Variants in SLC1A6 observed in about 807,000 individuals in gnomAD.
SLC1A6 encodes the protein excitatory amino acid transporter 4.
SLC1A6 carries 15 observed loss-of-function variants against 42.1 expected under a neutral mutation model. The observed-to-expected ratio is 0.36, with a 90% CI of 0.24 to 0.55. SLC1A6 has a LOEUF of 0.55. SLC1A6 is among the 20% of genes least tolerant of loss of function. The probability of loss-of-function intolerance (pLI) is 0.88; values close to 1 mark genes in which losing one functional copy is unlikely to be tolerated. For synonymous variants in SLC1A6, 317 were observed against 319.7 expected (o/e 0.99, Z 0.09); for missense variants, 542 against 772.5 (o/e 0.70, Z 3.54).
chr19:14,990,426 G>A (rs2045813708), intron 1 of SLC1A6, among the ~76,000 whole-genome samples: 1 of 152,202 alleles, frequency 6.6e-6, no homozygotes, highest in African/African-American at 2.4e-5. Context: ...ACTCAAGTTG[G>A]AGGATTGGGG....
intron 1 of SLC1A6, among the ~76,000 whole-genome samples, chr19:15,006,024 A>C (rs941285189): frequency 2.6e-5 from 4 of 152,252 alleles, no homozygotes; most frequent in African/African-American, 9.6e-5. Context: ...AGGTCATCTC[A>C]CATGAGGTGT....
At position 14,962,320 on chromosome 19, in the gene SLC1A6, A is replaced by G; in HGVS notation, c.617T>C (p.Val206Ala). 1 of 1,613,902 alleles carries G rather than the reference A, an allele frequency of 6.2e-7. No homozygotes were observed. The highest frequency in any genetic ancestry group is 1.7e-5 in the Admixed American group (1 of 59,996). ...KQFKTQYSTRVVTRTMVRTEN... is the reference protein window; with the variant it reads ...KQFKTQYSTRAVTRTMVRTEN... ...TGTCCTCACCATGGTCCTGGTTACC[A>G]CCCTCGTGCTGTACTGCGTCTTGAA... Residue 206 changes from valine to alanine, a missense_variant, in exon 6 of 10, where the codon GTG becomes GCG. This residue lies in a region of SLC1A6 where 298 missense variants were observed against 419.4 expected (regional missense o/e 0.71). Coordinates refer to ENST00000594383, the MANE Select transcript of SLC1A6 (RefSeq NM_005071.3).
chr19:14,961,078 A>ATT (rs35298524), intron 6 of SLC1A6, among the ~76,000 whole-genome samples: 6,301 of 151,018 alleles, frequency 0.042, 281 homozygotes, highest in African/African-American at 0.1. Context: ...CACCCAGCTA[A>ATT]TTTTTTTTGT....
chr19:15,009,546 A>G (rs1197042953), intron 1 of SLC1A6, among the ~76,000 whole-genome samples: 5 of 152,092 alleles, frequency 3.3e-5, no homozygotes, highest in Non-Finnish European at 7.3e-5. Context: ...TCTAAGTGGA[A>G]GCTAAACCAT....
At chr19:14,957,022 C>T (rs887374581) in intron 6 of SLC1A6, among the ~76,000 whole-genome samples, 3 of 152,150 alleles carry the variant, frequency 2.0e-5, no homozygotes, top group African/African-American at 7.2e-5. Context: ...CTCAATCCTG[C>T]CCCAAATAAT....
rs749633082 is a variant in SLC1A6, at chr19:14,962,357, AG to A, written c.592-13del. Reference sequence around the variant, plus strand: ...TACTGCGTCTTGAACTGAAATAGAGAGAGATTGCGCCCAGATTCAATTCAGC... The same window carrying A: ...TACTGCGTCTTGAACTGAAATAGAGAAGATTGCGCCCAGATTCAATTCAGC... On this transcript the variant is annotated splice_polypyrimidine_tract_variant and intron_variant, in intron 5 of 9. Transcript: ENST00000594383. 6.3e-7 allele frequency: 1 copy of A among 1,597,170 alleles called. No homozygotes were observed. Among genetic ancestry groups the A allele is most frequent in the African/African-American group, 1.3e-5 (1 of 74,488 alleles).
intron 3 of SLC1A6, among the ~76,000 whole-genome samples, chr19:14,970,494 G>A (rs1367253755): frequency 2.0e-5 from 3 of 151,946 alleles, no homozygotes; most frequent in African/African-American, 4.8e-5. Flanking sequence ...GGCGGATCAC[G>A]AGGTCAGGAG....
Position 14,950,123 on chromosome 19 carries a change from A to G in SLC1A6, c.*72T>C. ...TGTTCAGCCCACGGTCAGTTGGGCA[A>G]CAGATGTGTCACCAGGACTCCCCTC... On this transcript the variant is annotated 3_prime_UTR_variant, in exon 10 of 10. Transcript: ENST00000594383. The G allele has an allele frequency of 8.6e-7, 1 of 1,167,360 alleles. No homozygotes were observed. 72.3% of individuals were successfully genotyped at this position (1,167,360 alleles called of 1,614,324 possible).
At chr19:14,990,478 G>C (rs1355508502) in intron 1 of SLC1A6, among the ~76,000 whole-genome samples, 1 of 152,160 alleles carries the variant, frequency 6.6e-6, no homozygotes, top group Non-Finnish European at 1.5e-5. Context: ...TGGTAAAGAG[G>C]AATAATTTTG....
In SLC1A6 at chr19:14,950,339, G is replaced by C. The variant is rs143528996; in HGVS notation, c.1551C>G (p.Ala517=). The C allele has an allele frequency of 6.2e-7, 1 of 1,609,908 alleles. No individual in the cohort carries two copies. Among genetic ancestry groups the C allele is most frequent in the Admixed American group, 1.7e-5 (1 of 59,610 alleles). Residue 517 remains alanine, a synonymous_variant, in exon 10 of 10, where the codon GCC becomes GCG. Coordinates refer to ENST00000594383, the MANE Select transcript of SLC1A6 (RefSeq NM_005071.3). ...TNVLGDSIGA[A]VIEHLSQREL... ...CCCGCTGAGACAAGTGCTCGATGAC[G>C]GCCGCTCCAATTGAGTCCCCCAGTA... is the stretch of plus-strand genomic sequence containing the variant.
chr19:14,980,840 A>G (rs1031407614), upstream of SLC1A6, among the ~76,000 whole-genome samples: 1 of 152,118 alleles, frequency 6.6e-6, no homozygotes, highest in Admixed American at 6.6e-5. Context: ...GGTGCTCAGA[A>G]AGGTTCAATA....
intron 6 of SLC1A6, among the ~76,000 whole-genome samples, chr19:14,958,067 C>A (rs1267174093): frequency 1.3e-5 from 2 of 152,144 alleles, no homozygotes; most frequent in African/African-American, 4.8e-5. Flanking sequence ...CTGCCATTGG[C>A]ACCATCATCT....
At chr19:15,010,353 G>A (rs2045920500) in intron 1 of SLC1A6, 1 of 333,932 alleles carries the variant, frequency 3.0e-6, no homozygotes, top group African/African-American at 2.2e-5. Context: ...TCTACCTGTG[G>A]GAACAGCAAG....
intron 6 of SLC1A6, among the ~76,000 whole-genome samples, chr19:14,961,025 C>A (rs1340398125): frequency 6.6e-6 from 1 of 151,572 alleles, no homozygotes; most frequent in African/African-American, 2.4e-5. Flanking sequence ...TGTCCTCCCG[C>A]CTCAGCCTCC....
At chr19:14,981,451 C>T (rs1485364181), upstream of SLC1A6, among the ~76,000 whole-genome samples, 2 of 152,178 alleles carry the variant, frequency 1.3e-5, no homozygotes, top group Non-Finnish European at 1.5e-5. Flanking sequence ...ATGTCAGATT[C>T]CCCTGGACCA....
chr19:14,991,110 CA>C (rs1313057830), intron 1 of SLC1A6, among the ~76,000 whole-genome samples: 2 of 152,048 alleles, frequency 1.3e-5, no homozygotes, highest in Non-Finnish European at 2.9e-5. Flanking sequence ...AAGCCGGATA[CA>C]AAAGGCCACA....
intron 1 of SLC1A6, among the ~76,000 whole-genome samples, chr19:14,991,211 T>C (rs1196032842): frequency 6.6e-6 from 1 of 152,202 alleles, no homozygotes; most frequent in Non-Finnish European, 1.5e-5. Context: ...TGCCAGGGGC[T>C]GCAGGCGGGA....
intron 6 of SLC1A6, among the ~76,000 whole-genome samples, chr19:14,957,606 G>A (rs2045474345): frequency 6.6e-6 from 1 of 152,178 alleles, no homozygotes; most frequent in South Asian, 2.1e-4. Flanking sequence ...CCAGAGCTGT[G>A]CGAAATACAT....
chr19:14,965,470 G>T (rs2045563600), intron 4 of SLC1A6, among the ~76,000 whole-genome samples: 1 of 152,146 alleles, frequency 6.6e-6, no homozygotes, highest in Non-Finnish European at 1.5e-5. Flanking sequence ...GCAAAGAAAT[G>T]GAACCAACCT....
Sources: allele counts gnomAD v4.1 joint callset (sites outside exome capture counted in the v4.1 genomes callset), GRCh38; gene constraint gnomAD v4.1.1; regional missense constraint gnomAD v4.1.1; transcripts MANE v1.5; gene names NCBI Gene and HGNC (gene_info 2026-07-23, HGNC 2026-07-21).